The following ZFAT variants were observed in gnomAD, a reference collection of about 807,000 sequenced individuals.
The protein encoded by ZFAT is zinc finger and AT-hook domain containing.
A neutral mutation model predicts 117.7 loss-of-function variants in ZFAT; 64 were observed. The ratio of observed to expected loss-of-function variants is 0.54; its 90% CI spans 0.44 to 0.67. The LOEUF (loss-of-function observed/expected upper bound fraction) is 0.67. Among genes scored for constraint, ZFAT ranks in the 30% least tolerant of loss-of-function variants. The pLI is 0.00. For synonymous variants in ZFAT, 679 were observed against 615.0 expected, an observed-to-expected ratio of 1.10 and a Z score of -1.54; for missense variants, 1,433 against 1,584.5, an observed-to-expected ratio of 0.90 and a Z score of 1.62.
chr8:134,744,874 C>T, the ZFAT span, among the ~76,000 whole-genome samples: 2 of 151,696 alleles, frequency 1.3e-5, no homozygotes, highest in Non-Finnish European at 2.9e-5. Context: ...GGACTACAGG[C>T]GCCCGCCACC....
At chr8:134,714,107 G>GCC (rs34806943), upstream of ZFAT, among the ~76,000 whole-genome samples, 80 of 94,388 alleles carry the variant, frequency 8.5e-4, no homozygotes, top group African/African-American at 9.8e-4. Context: ...GCAAAGACAT[G>GCC]CCCCCCCCCC....
intron 12 of ZFAT, among the ~76,000 whole-genome samples, chr8:134,531,014 A>G (rs375817615): frequency 6.6e-6 from 1 of 152,166 alleles, no homozygotes; most frequent in African/African-American, 2.4e-5. Context: ...CTGTGAATAT[A>G]TATCTGTGTG....
At chr8:134,561,625 T>C (rs1364140842) in intron 11 of ZFAT, among the ~76,000 whole-genome samples, 2 of 152,224 alleles carry the variant, frequency 1.3e-5, no homozygotes, top group Admixed American at 1.3e-4. Flanking sequence ...GCCCTTATTA[T>C]AATATTCCCT....
At chr8:134,810,665 C>CA in the ZFAT span, among the ~76,000 whole-genome samples, 1 of 152,162 alleles carries the variant, frequency 6.6e-6, no homozygotes, top group South Asian at 2.1e-4. Flanking sequence ...ACCAGTTTCC[C>CA]AATCTGTAAA....
intron 15 of ZFAT, among the ~76,000 whole-genome samples, chr8:134,490,291 G>A (rs1412791192): frequency 6.6e-6 from 1 of 152,156 alleles, no homozygotes; most frequent in Non-Finnish European, 1.5e-5. Flanking sequence ...CACTGTAAAG[G>A]CAGCTTAGAG....
At chr8:134,509,197 T>C (rs1371733157) in intron 15 of ZFAT, among the ~76,000 whole-genome samples, 1 of 151,812 alleles carries the variant, frequency 6.6e-6, no homozygotes, top group Non-Finnish European at 1.5e-5. Context: ...GTGGTTACTA[T>C]TTAGGAAGGC....
At chr8:134,538,432 G>A (rs1821999395) in intron 11 of ZFAT, among the ~76,000 whole-genome samples, 1 of 152,178 alleles carries the variant, frequency 6.6e-6, no homozygotes, top group Non-Finnish European at 1.5e-5. Flanking sequence ...GAGGAGAAAA[G>A]ACGAGGAGCA....
At chr8:134,735,312 C>T in the ZFAT span, among the ~76,000 whole-genome samples, 3 of 152,132 alleles carry the variant, frequency 2.0e-5, no homozygotes, top group Non-Finnish European at 4.4e-5. Context: ...GTGCCATGGC[C>T]AAATCCTCCC....
At chr8:134,644,538 CCACA>C (rs779007806) in intron 2 of ZFAT, among the ~76,000 whole-genome samples, 5 of 151,766 alleles carry the variant, frequency 3.3e-5, no homozygotes, top group South Asian at 4.2e-4. Context: ...ACCTATACAA[CCACA>C]CACACATGCA....
intron 15 of ZFAT, among the ~76,000 whole-genome samples, chr8:134,484,991 T>C (rs1817569143): frequency 6.6e-6 from 1 of 152,056 alleles, no homozygotes; most frequent in South Asian, 2.1e-4. Flanking sequence ...GATGGAGACA[T>C]CATCATCAGG....
At chr8:134,744,978 C>G in the ZFAT span, among the ~76,000 whole-genome samples, 1 of 152,004 alleles carries the variant, frequency 6.6e-6, no homozygotes, top group Non-Finnish European at 1.5e-5. Flanking sequence ...ATCCGCCCAC[C>G]TCGGCCTCCC....
At chr8:134,496,780 A>T (rs1206412943) in intron 15 of ZFAT, among the ~76,000 whole-genome samples, 1 of 152,070 alleles carries the variant, frequency 6.6e-6, no homozygotes, top group Non-Finnish European at 1.5e-5. Context: ...AAGAACTGTG[A>T]CGGGGTGAGG....
At chr8:134,733,714 T>C in the ZFAT span, among the ~76,000 whole-genome samples, 1 of 152,256 alleles carries the variant, frequency 6.6e-6, no homozygotes, top group Non-Finnish European at 1.5e-5. Context: ...GTTCCCTCTA[T>C]GAGAAACCCA....
chr8:134,756,904 A>G, the ZFAT span, among the ~76,000 whole-genome samples: 1 of 151,634 alleles, frequency 6.6e-6, no homozygotes, highest in Non-Finnish European at 1.5e-5. Context: ...TAAAGCCTCT[A>G]TGGCAGATAG....
At chr8:134,500,331 T>A (rs930501230) in intron 15 of ZFAT, among the ~76,000 whole-genome samples, 6 of 152,172 alleles carry the variant, frequency 3.9e-5, no homozygotes, top group African/African-American at 1.4e-4. Context: ...GGCTGTAGCT[T>A]CTTGGGGCAT....
At chr8:134,657,252 A>C (rs1831662462) in intron 2 of ZFAT, among the ~76,000 whole-genome samples, 1 of 152,228 alleles carries the variant, frequency 6.6e-6, no homozygotes, top group Admixed American at 6.5e-5. Flanking sequence ...CATTGGCTTC[A>C]GGTAATGCAG....
chr8:134,539,766 CA>C (rs1822114651), intron 11 of ZFAT, among the ~76,000 whole-genome samples: 1 of 152,206 alleles, frequency 6.6e-6, no homozygotes, highest in Admixed American at 6.5e-5. Context: ...GACAACTTTA[CA>C]ACACAGAAGG....
chr8:134,588,224 A>G (rs988296451), intron 9 of ZFAT, 22 bp downstream of exon 9: 4 of 1,532,996 alleles, frequency 2.6e-6, no homozygotes, highest in Non-Finnish European at 3.5e-6. Context: ...AAGGTGCCCA[A>G]TTTGGAAAGA....
chr8:134,727,532 A>C, the ZFAT span, among the ~76,000 whole-genome samples: 1 of 152,192 alleles, frequency 6.6e-6, no homozygotes, highest in African/African-American at 2.4e-5. Flanking sequence ...CTGAAGTATA[A>C]AACCAAATTT....
Sources: gnomAD v4.1 joint callset for allele counts (sites outside exome capture counted in the v4.1 genomes callset) on GRCh38, gnomAD v4.1.1 for gene constraint, MANE v1.5 for transcripts, NCBI Gene and HGNC (gene_info 2026-07-23, HGNC 2026-07-21) for gene names.